DPYS: variants seen among roughly 807,000 people sequenced by gnomAD.
DPYS encodes the protein dihydropyrimidine amidohydrolase.
In DPYS, 39 loss-of-function variants were observed where a neutral mutation model predicts 50.3. The ratio of observed to expected loss-of-function variants is 0.78; its 90% confidence interval spans 0.60 to 1.01. The LOEUF is 1.01. Among genes scored for constraint, DPYS ranks in the 50% least tolerant of loss-of-function variants. The pLI, the probability that DPYS is intolerant of heterozygous loss-of-function variation, is 0.00. For synonymous variants in DPYS, 245 were observed against 250.7 expected (o/e 0.98, Z 0.22); for missense variants, 659 against 680.9 (o/e 0.97, Z 0.36).
chr8:104,424,535 T>A, intron 6 of DPYS, 146 bp from the exon 7 acceptor site: 1 of 838,304 alleles, frequency 1.2e-6, no homozygotes, highest in Non-Finnish European at 1.9e-6. Context: ...TGGTAAGTAT[T>A]AAACAGTCAT....
chr8:104,455,849 T>C (rs1813904961), intron 1 of DPYS, among the ~76,000 whole-genome samples: 1 of 152,152 alleles, frequency 6.6e-6, no homozygotes, highest in African/African-American at 2.4e-5. Context: ...TTTCCCCTAC[T>C]TCAATTTTAT....
rs201258823 is a variant in DPYS at position 104,424,345 on chromosome 8, G to T, written c.1137C>A (p.Ser379Arg). The T allele has an allele frequency of 1.4e-4, 225 of 1,613,874 alleles. No individual in the cohort carries two copies. Among genetic ancestry groups the T allele is most frequent in the Middle Eastern group, 9.9e-4 (6 of 6,082 alleles). ...MDENRFVAVT[S>R]TNAAKIFNLY... is the part of the protein sequence containing the mutation. ...GATTAAAAATTTTGGCTGCATTTGT[G>T]CTGGTAACTGCCACAAATCTGTTTT... The change falls in exon 7 of 10, where the codon AGC becomes AGA. Residue 379 changes from serine to arginine, a missense_variant. Ser to Arg is a moderately radical substitution (Grantham distance 110). Transcript: ENST00000351513.
At chr8:104,382,544 T>G (rs1392191700) in intron 8 of DPYS, among the ~76,000 whole-genome samples, 2 of 151,108 alleles carry the variant, frequency 1.3e-5, no homozygotes, top group African/African-American at 4.9e-5. Flanking sequence ...CCCTGTTTTT[T>G]TTTTTTTTTT....
At chr8:104,402,375 T>C (rs1344053997) in intron 7 of DPYS, among the ~76,000 whole-genome samples, 2 of 152,222 alleles carry the variant, frequency 1.3e-5, no homozygotes, top group African/African-American at 2.4e-5. Context: ...AGGAACTGAA[T>C]GTGAATCAGC....
intron 7 of DPYS, among the ~76,000 whole-genome samples, chr8:104,415,023 G>A (rs188371142): frequency 1.1e-3 from 166 of 152,252 alleles, no homozygotes; most frequent in African/African-American, 3.8e-3. Context: ...TGTAAAACAC[G>A]GCTCTTGAAC....
chr8:104,410,140 T>G (rs373097944), intron 7 of DPYS, among the ~76,000 whole-genome samples: 12 of 152,190 alleles, frequency 7.9e-5, no homozygotes, highest in Non-Finnish European at 1.0e-4. Context: ...TGAAGTCACT[T>G]CTGACTCCTC....
intron 8 of DPYS, among the ~76,000 whole-genome samples, chr8:104,390,928 A>C (rs1441145729): frequency 3.3e-5 from 5 of 152,168 alleles, no homozygotes; most frequent in African/African-American, 1.2e-4. Context: ...TATTTATCAC[A>C]TACATCTTCA....
intron 1 of DPYS, among the ~76,000 whole-genome samples, chr8:104,461,890 G>T (rs1814186125): frequency 6.6e-6 from 1 of 152,092 alleles, no homozygotes; most frequent in Admixed American, 6.5e-5. Context: ...TAATAAACAA[G>T]GCTGACTCCA....
chr8:104,383,417 G>T (rs1188160350), intron 8 of DPYS, among the ~76,000 whole-genome samples: 1 of 152,126 alleles, frequency 6.6e-6, no homozygotes, highest in South Asian at 2.1e-4. Context: ...CCGGTGTGCT[G>T]CTCTCTTTCT....
chr8:104,394,636 C>A (rs892578494), intron 7 of DPYS, among the ~76,000 whole-genome samples: 2 of 151,880 alleles, frequency 1.3e-5, no homozygotes, highest in Non-Finnish European at 2.9e-5. Flanking sequence ...CCACTCTCCA[C>A]AAAGCTGCTC....
At chr8:104,391,232 C>T (rs1394213854) in intron 8 of DPYS, among the ~76,000 whole-genome samples, 1 of 151,910 alleles carries the variant, frequency 6.6e-6, no homozygotes, top group East Asian at 1.9e-4. Flanking sequence ...AAAGGAGAAA[C>T]CAAAGCCTCT....
At chr8:104,407,229 C>T (rs1272041105) in intron 7 of DPYS, among the ~76,000 whole-genome samples, 2 of 152,138 alleles carry the variant, frequency 1.3e-5, no homozygotes, top group Non-Finnish European at 2.9e-5. Context: ...GGTAACTCAC[C>T]TCACAGTGTA....
At chr8:104,446,532 G>A (rs895291733) in intron 3 of DPYS, among the ~76,000 whole-genome samples, 5 of 152,310 alleles carry the variant, frequency 3.3e-5, no homozygotes, top group African/African-American at 9.6e-5. Flanking sequence ...TACAAAAAGA[G>A]CATGCAGTCC....
chr8:104,385,978 G>A (rs1466354858), intron 8 of DPYS, among the ~76,000 whole-genome samples: 1 of 152,162 alleles, frequency 6.6e-6, no homozygotes, highest in Non-Finnish European at 1.5e-5. Flanking sequence ...CAAAAAATAA[G>A]TAATACAAAA....
In DPYS at chr8:104,381,289, C is replaced by T. The variant is rs189448963; in HGVS notation, c.1469G>A (p.Arg490His). 333 of 1,614,098 alleles carry T rather than the reference C, an allele frequency of 2.1e-4. No homozygotes were observed. The highest frequency in any genetic ancestry group is 2.7e-4 in the East Asian group (12 of 44,870). The part of the protein sequence containing the change: ...DRTCTPTPVE[R>H]APYKGEVATL... ...GGCGACTTCTCCCTTATAGGGTGCA[C>T]GCTCCACAGGGGTAGGTGTGCAAGT... Residue 490 changes from arginine to histidine, a missense_variant, in exon 9 of 10, where the codon CGT becomes CAT. Transcript: ENST00000351513.
intron 7 of DPYS, among the ~76,000 whole-genome samples, chr8:104,404,756 T>G (rs1056910693): frequency 1.8e-4 from 28 of 152,368 alleles, no homozygotes; most frequent in African/African-American, 6.3e-4. Context: ...TAAATAAAGT[T>G]TTATTGAAAC....
intron 2 of DPYS, among the ~76,000 whole-genome samples, chr8:104,449,745 A>T (rs548916178): frequency 1.2e-4 from 19 of 152,214 alleles, no homozygotes; most frequent in Non-Finnish European, 2.4e-4. Context: ...TCTACAAGAC[A>T]AGGAATGCCA....
intron 8 of DPYS, among the ~76,000 whole-genome samples, chr8:104,390,380 T>C (rs1486195637): frequency 6.6e-6 from 1 of 152,230 alleles, no homozygotes; most frequent in African/African-American, 2.4e-5. Context: ...CATCTATTAT[T>C]ACTTAAGGAT....
At chr8:104,392,295 A>G (rs1429470305) in intron 8 of DPYS, among the ~76,000 whole-genome samples, 1 of 152,176 alleles carries the variant, frequency 6.6e-6, no homozygotes, top group Non-Finnish European at 1.5e-5. Context: ...GGACTCCCTG[A>G]CGGCCTTTTT....
Sources: gnomAD v4.1 joint callset for allele counts (sites outside exome capture counted in the v4.1 genomes callset) on GRCh38, gnomAD v4.1.1 for gene constraint, MANE v1.5 for transcripts, NCBI Gene and HGNC (gene_info 2026-07-23, HGNC 2026-07-21) for gene names.